FGF14: variants seen among roughly 807,000 people sequenced by gnomAD.
The protein encoded by FGF14 is fibroblast growth factor 14, also known as fibroblast growth factor homologous factor 4.
A neutral mutation model predicts 25.5 loss-of-function variants in FGF14; 5 were observed. The observed-to-expected ratio is 0.20, with a 90% CI of 0.10 to 0.41. FGF14 has a LOEUF of 0.41. Ranked by LOEUF, FGF14 falls within the 10% of genes least tolerant of loss-of-function variation. The probability of loss-of-function intolerance (pLI) is 1.00; values close to 1 mark genes in which losing one functional copy is unlikely to be tolerated. For synonymous variants in FGF14, 138 were observed against 118.3 expected (o/e 1.17, Z -1.08); for missense variants, 222 against 320.1 (o/e 0.69, Z 2.34).
At chr13:102,293,691 AACCTCATGTTTT>A (rs1247763160) in intron 1 of FGF14, 1 of 152,214 alleles carries the variant, frequency 6.6e-6, no homozygotes, top group Non-Finnish European at 1.5e-5. Flanking sequence ...ACAAACAATA[AACCTCATGTTTT>A]ATAACATTTT....
At chr13:102,276,298 TACACACACACAC>T (rs57994075) in intron 1 of FGF14, among the ~76,000 whole-genome samples, 32 of 118,280 alleles carry the variant, frequency 2.7e-4, no homozygotes, top group African/African-American at 1.1e-3. Context: ...AACTTGGAAA[TACACACACACAC>T]ACACACACAC....
At chr13:101,902,802 G>A (rs541629453) in intron 1 of FGF14, among the ~76,000 whole-genome samples, 7 of 152,284 alleles carry the variant, frequency 4.6e-5, no homozygotes, top group African/African-American at 1.7e-4. Context: ...CTGGCTGACT[G>A]CTAATCAGAA....
intron 1 of FGF14, among the ~76,000 whole-genome samples, chr13:101,968,425 G>C (rs986225860): frequency 8.6e-5 from 13 of 152,032 alleles, no homozygotes; most frequent in African/African-American, 2.9e-4. Context: ...TGTAATCCCA[G>C]CACTTTGGGA....
intron 1 of FGF14, among the ~76,000 whole-genome samples, chr13:102,172,978 C>A (rs1256973281): frequency 6.6e-6 from 1 of 152,140 alleles, no homozygotes; most frequent in Admixed American, 6.6e-5. Flanking sequence ...ACCAAACAGT[C>A]TGTTTGGCTG....
intron 3 of FGF14, chr13:101,801,963 A>G (rs2040899240): frequency 4.2e-6 from 2 of 476,478 alleles, no homozygotes; most frequent in Non-Finnish European, 8.3e-6. Flanking sequence ...GAACATAAAA[A>G]GAAAAACCCA....
At chr13:102,206,227 T>C in intron 1 of FGF14, among the ~76,000 whole-genome samples, 1 of 151,922 alleles carries the variant, frequency 6.6e-6, no homozygotes, top group East Asian at 1.9e-4. Flanking sequence ...CATTCCTCGA[T>C]GCATAGGAAT....
intron 1 of FGF14, among the ~76,000 whole-genome samples, chr13:102,226,069 C>T (rs1336695): frequency 0.81 from 123,514 of 152,194 alleles, 50,602 homozygotes; most frequent in African/African-American, 0.92. Context: ...CTTTGGTTCA[C>T]GCGTGTTGCA....
intron 1 of FGF14, among the ~76,000 whole-genome samples, chr13:102,012,812 T>G (rs2040149850): frequency 6.6e-6 from 1 of 152,118 alleles, no homozygotes; most frequent in South Asian, 2.1e-4. Flanking sequence ...TTTCCATCCA[T>G]GCCCAGTACT....
At chr13:101,982,782 T>C (rs1462802939) in intron 1 of FGF14, among the ~76,000 whole-genome samples, 1 of 152,192 alleles carries the variant, frequency 6.6e-6, no homozygotes, top group African/African-American at 2.4e-5. Context: ...TTATTTATTG[T>C]CTGACTTAAA....
chr13:101,819,519 A>T (rs1286593395), intron 3 of FGF14, among the ~76,000 whole-genome samples: 1 of 152,238 alleles, frequency 6.6e-6, no homozygotes, highest in Non-Finnish European at 1.5e-5. Context: ...TCAGTGATGT[A>T]AAAGTAAACT....
At chr13:102,040,547 T>C (rs1334254811) in intron 1 of FGF14, among the ~76,000 whole-genome samples, 2 of 152,168 alleles carry the variant, frequency 1.3e-5, no homozygotes, top group African/African-American at 2.4e-5. Context: ...AAAACTACTT[T>C]GCAATCATGT....
rs1009986559 is a variant in FGF14, at chr13:101,721,963, T to C, written c.*868A>G. The C allele has an allele frequency of 6.6e-6, 1 of 151,840 alleles. No individual in the cohort carries two copies. Among genetic ancestry groups the C allele is most frequent in the African/African-American group, 2.4e-5 (1 of 41,334 alleles). The allele number at this position is 151,840 out of a possible 1,614,324, so 9.4% of individuals were successfully genotyped here. ...TTGGACCCACTTTCTCAAAAACCAG[T>C]GGGTCTTGCTCGCTGGGCAAGGCAA... is the stretch of plus-strand genomic sequence containing the variant. On this transcript the variant is annotated 3_prime_UTR_variant, in exon 5 of 5. Coordinates refer to ENST00000376143, the MANE Select transcript of FGF14 (RefSeq NM_004115.4).
intron 1 of FGF14, among the ~76,000 whole-genome samples, chr13:102,220,684 T>C (rs2050572974): frequency 6.6e-6 from 1 of 152,338 alleles, no homozygotes; most frequent in East Asian, 1.9e-4. Flanking sequence ...GCACATTTTC[T>C]AGGTTGCTGT....
chr13:102,275,234 T>TTGTC (rs1555391830), intron 1 of FGF14, among the ~76,000 whole-genome samples: 1 of 67,490 alleles, frequency 1.5e-5, no homozygotes, highest in East Asian at 3.6e-4. Flanking sequence ...TTAGGCAGAT[T>TTGTC]TCTCTCTCTC....
intron 2 of FGF14, 139 bp from the exon 3 acceptor site, chr13:101,868,967 T>C: frequency 1.5e-6 from 1 of 686,126 alleles, no homozygotes; most frequent in Non-Finnish European, 2.6e-6. Flanking sequence ...ATAACTTATA[T>C]TTTGCTTTAT....
intron 1 of FGF14, among the ~76,000 whole-genome samples, chr13:101,898,079 G>T (rs1410022694): frequency 6.6e-6 from 1 of 151,724 alleles, no homozygotes; most frequent in Non-Finnish European, 1.5e-5. Context: ...ATTTTTAGTA[G>T]AGACAAGTTT....
intron 1 of FGF14, among the ~76,000 whole-genome samples, chr13:102,010,402 T>C (rs183843729): frequency 3.7e-4 from 57 of 152,270 alleles, no homozygotes; most frequent in Non-Finnish European, 1.3e-4. Context: ...CACAGAGATG[T>C]GACTATCCCA....
chr13:102,251,653 T>C (rs151003879), intron 1 of FGF14, among the ~76,000 whole-genome samples: 1 of 152,278 alleles, frequency 6.6e-6, no homozygotes, highest in East Asian at 1.9e-4. Flanking sequence ...CTACTAGCTA[T>C]GCTCTGCACA....
At chr13:102,173,733 A>G (rs185049410) in intron 1 of FGF14, among the ~76,000 whole-genome samples, 1 of 152,284 alleles carries the variant, frequency 6.6e-6, no homozygotes, top group East Asian at 1.9e-4. Context: ...AAGGACAAAT[A>G]CAGCATGATT....
Sources: gnomAD v4.1 joint callset for allele counts (sites outside exome capture counted in the v4.1 genomes callset) on GRCh38, gnomAD v4.1.1 for gene constraint, MANE v1.5 for transcripts, NCBI Gene and HGNC (gene_info 2026-07-23, HGNC 2026-07-21) for gene names.